AMACR: variants seen among roughly 807,000 people sequenced by gnomAD.
The protein encoded by AMACR is alpha-methylacyl-CoA racemase, also known as 2-methylacyl-CoA racemase.
In AMACR, 18 loss-of-function variants were observed where a neutral mutation model predicts 22.2. The observed-to-expected ratio is 0.81, with a 90% CI of 0.56 to 1.20. AMACR has a LOEUF of 1.20. Ranked by LOEUF, AMACR falls within the 50% of genes most tolerant of loss-of-function variation. AMACR has a pLI of 0.00. For synonymous variants in AMACR, 213 were observed against 191.3 expected, an observed-to-expected ratio of 1.11 and a Z score of -0.94; for missense variants, 499 against 490.6, an observed-to-expected ratio of 1.02 and a Z score of -0.16.
rs34677 is a variant in AMACR at position 33,998,663 on chromosome 5, C to A, written c.717G>T (p.Gln239His). The A allele has an allele frequency of 0.14, 218,333 of 1,610,232 alleles. 15,506 individuals carry two copies. The highest frequency in any genetic ancestry group is 0.19 in the Middle Eastern group (1,120 of 6,052). ...TACCTTTGATCAGCAGCTCGTAGAA[C>A]TGGGGTTCTATTGCTCCAACAGCCA... Reference protein sequence around the residue: ...EFMAVGAIEPQFYELLIKGLG... With the variant: ...EFMAVGAIEPHFYELLIKGLG... Residue 239 changes from glutamine (Q) to histidine (H), a missense_variant, in exon 4 of 5, where the codon CAG (glutamine) becomes CAT (histidine). Coordinates refer to ENST00000335606, the MANE Select transcript of AMACR (RefSeq NM_014324.6).
At chr5:33,997,686 G>T in intron 4 of AMACR, 2 of 652,090 alleles carry the variant, frequency 3.1e-6, no homozygotes, top group South Asian at 3.8e-5. Flanking sequence ...TTTCTGGACA[G>T]AGAGGTACCC....
chr5:34,005,626 C>T, intron 2 of AMACR, 130 bp downstream of exon 2: 3 of 1,109,312 alleles, frequency 2.7e-6, no homozygotes, highest in Non-Finnish European at 3.8e-6. Flanking sequence ...CCATTTTGAA[C>T]ACCCATGCTC....
At chr5:33,991,084 T>C (rs756425256) in intron 4 of AMACR, among the ~76,000 whole-genome samples, 1 of 152,252 alleles carries the variant, frequency 6.6e-6, no homozygotes, top group Admixed American at 6.5e-5. Flanking sequence ...CAGTTTCTTT[T>C]TATCAGAATG....
At chr5:33,999,437 G>A (rs1753743556) in intron 3 of AMACR, among the ~76,000 whole-genome samples, 1 of 152,154 alleles carries the variant, frequency 6.6e-6, no homozygotes, top group African/African-American at 2.4e-5. Context: ...CTGAGTCCAG[G>A]CAAACTGGTT....
At chr5:33,992,635 A>C (rs962837496) in intron 4 of AMACR, among the ~76,000 whole-genome samples, 3 of 152,078 alleles carry the variant, frequency 2.0e-5, no homozygotes, top group African/African-American at 7.2e-5. Context: ...GCTTAAGCCC[A>C]GGAGGTCAAG....
chr5:33,994,289 G>A (rs1272597988), intron 4 of AMACR, among the ~76,000 whole-genome samples: 1 of 152,006 alleles, frequency 6.6e-6, no homozygotes, highest in South Asian at 2.1e-4. Flanking sequence ...AGTGATTCTC[G>A]TGCCTCAGCC....
chr5:33,998,866 C>G (rs374054562), intron 3 of AMACR, 39 bp from the exon 4 acceptor site: 18 of 1,596,318 alleles, frequency 1.1e-5, no homozygotes, highest in Non-Finnish European at 1.4e-5. Context: ...CCAGATAACT[C>G]AAGTGTCAAA....
rs779722935 is a variant in AMACR at position 33,989,197 on chromosome 5, G to C, written c.1045C>G (p.His349Asp). 4 of 1,614,080 alleles carry C rather than the reference G, an allele frequency of 2.5e-6. No individual in the cohort carries two copies. The African/African-American group carries it at 5.3e-5, about 22-fold the overall frequency. The change falls in exon 5 of 5, where the codon CAC (histidine) becomes GAC (aspartate). Residue 349 changes from histidine to aspartate, a missense_variant. Transcript: ENST00000335606. ...AATTCTTCAAGTATCTCCTCAGTGT[G>C]TTCTCCTATGAAAGGATCCCTTTTG... Reference protein sequence around the residue: ...SFKRDPFIGEHTEEILEEFGF... With the variant: ...SFKRDPFIGEDTEEILEEFGF...
At position 34,004,564 on chromosome 5, in the gene AMACR, T is replaced by G. The variant is rs1453351114; in HGVS notation, c.552+10A>C. 1.2e-6 allele frequency: 2 copies of G among 1,614,056 alleles called. No homozygotes were observed. The highest frequency in any genetic ancestry group is 3.3e-5 in the Admixed American group (2 of 60,024). On this transcript the variant is annotated intron_variant, in intron 3 of 4. Coordinates refer to ENST00000335606, the MANE Select transcript of AMACR (RefSeq NM_014324.6). Reference sequence around the variant, plus strand: ...ACAAGTGGCAGGCATCTACCCCAATTAATACTTACCATATTTGCATCAATG... The same window carrying G: ...ACAAGTGGCAGGCATCTACCCCAATGAATACTTACCATATTTGCATCAATG...
chr5:33,988,661 A>C lies in AMACR; in HGVS notation c.*432T>G. 1.6e-6 allele frequency: 2 copies of C among 1,243,628 alleles called. No homozygotes were observed. Among genetic ancestry groups the C allele is most frequent in the Non-Finnish European group, 2.0e-6 (2 of 990,784 alleles). 77.0% of individuals were successfully genotyped at this position (1,243,628 alleles called of 1,614,324 possible). A position where few individuals can be genotyped will look rare whatever the true frequency, so the allele number is the denominator to read the frequency against. On this transcript the variant is annotated 3_prime_UTR_variant, in exon 5 of 5. Transcript: ENST00000335606. ...CAAGACAAAAGGCCTGGATGCAACCAATCACTCTGTTTCACGTGACTTTTA... is the reference window on the plus strand; with the variant it reads ...CAAGACAAAAGGCCTGGATGCAACCCATCACTCTGTTTCACGTGACTTTTA...
chr5:34,004,499 CA>C, intron 3 of AMACR, 74 bp downstream of exon 3: 2 of 1,590,040 alleles, frequency 1.3e-6, no homozygotes, highest in Non-Finnish European at 1.7e-6. Context: ...TCTTCTTCTT[CA>C]AAAAAAGGAT....
chr5:33,996,997 ATTT>A, intron 4 of AMACR: 1 of 602,440 alleles, frequency 1.7e-6, no homozygotes, highest in Non-Finnish European at 3.0e-6. Context: ...AATGTCCAGT[ATTT>A]TTTTTTAATT....
Position 33,987,793 on chromosome 5 carries a change from TTTTA to T in AMACR, c.*1296_*1299del, listed in dbSNP as rs1451031089. ...TGAAATAGAAATGAAAAATATATTT[TTTTA>T]TTTATGTGTATTATATTTTTCAAGC... On this transcript the variant is annotated 3_prime_UTR_variant, in exon 5 of 5. Transcript: ENST00000335606. 1.3e-5 allele frequency: 2 copies of T among 152,226 alleles called. No homozygotes were observed. Among genetic ancestry groups the T allele is most frequent in the African/African-American group, 4.8e-5 (2 of 41,460 alleles). 9.4% of individuals were successfully genotyped at this position (152,226 alleles called of 1,614,324 possible). A position where few individuals can be genotyped will look rare whatever the true frequency, so the allele number is the denominator to read the frequency against.
intron 3 of AMACR, among the ~76,000 whole-genome samples, chr5:34,002,975 G>C (rs1018718049): frequency 6.6e-6 from 1 of 152,122 alleles, no homozygotes; most frequent in Admixed American, 6.5e-5. Flanking sequence ...GGAGATGAGG[G>C]GGTTTCTGGT....
At chr5:33,997,343 T>C (rs1185121976) in intron 4 of AMACR, 4 of 775,152 alleles carry the variant, frequency 5.2e-6, no homozygotes, top group African/African-American at 1.7e-5. Flanking sequence ...TTAATCATCA[T>C]TGGCTTGAAA....
Position 34,001,134 on chromosome 5 carries a change from T to C in AMACR, c.553-2307A>G, listed in dbSNP as rs192634236. On this transcript the variant is annotated intron_variant, in intron 3 of 4. Transcript: ENST00000335606. ...TGCCCCATCACTCATATACCATGCA[T>C]GCGAGTGAAGAGCCCCCTGACACAG... 4.3e-4 allele frequency among the ~76,000 whole-genome samples: 65 copies of C among 152,332 alleles called. 1 individual carries two copies. The East Asian group carries it at 0.012, about 28-fold the overall frequency.
chr5:33,995,553 T>C (rs1197069416), intron 4 of AMACR, among the ~76,000 whole-genome samples: 1 of 152,180 alleles, frequency 6.6e-6, no homozygotes, highest in African/African-American at 2.4e-5. Flanking sequence ...GGAAAACGCA[T>C]TAACTTTGTG....
In AMACR at chr5:33,989,024, T is replaced by C; in HGVS notation, c.*69A>G. ...TACTGTTCCTCCATGTTTCCATGCA[T>C]ACAATGTTATGTGTTACTCTACACT... On this transcript the variant is annotated 3_prime_UTR_variant, in exon 5 of 5. Coordinates refer to ENST00000335606, the MANE Select transcript of AMACR (RefSeq NM_014324.6). 2 of 1,606,236 alleles carry C rather than the reference T, an allele frequency of 1.2e-6. No homozygotes were observed. The highest frequency in any genetic ancestry group is 1.1e-5 in the South Asian group (1 of 89,344).
Position 33,988,743 on chromosome 5 carries a change from A to C in AMACR, c.*350T>G. 1 of 1,204,300 alleles carries C rather than the reference A, an allele frequency of 8.3e-7. No homozygotes were observed. The highest frequency in any genetic ancestry group is 1.0e-6 in the Non-Finnish European group (1 of 965,594). 74.6% of individuals were successfully genotyped at this position (1,204,300 alleles called of 1,614,324 possible). A position where few individuals can be genotyped will look rare whatever the true frequency, so the allele number is the denominator to read the frequency against. On this transcript the variant is annotated 3_prime_UTR_variant, in exon 5 of 5. Coordinates refer to ENST00000335606, the MANE Select transcript of AMACR (RefSeq NM_014324.6). ...TCTACATTGTAGAATCAAGAGTGTA[A>C]ATAAATGTATATCGATGTCTTCAAG...
Sources: gnomAD v4.1 joint callset for allele counts (sites outside exome capture counted in the v4.1 genomes callset) on GRCh38, gnomAD v4.1.1 for gene constraint, MANE v1.5 for transcripts, NCBI Gene and HGNC (gene_info 2026-07-23, HGNC 2026-07-21) for gene names.